The following RASA3 variants were observed in gnomAD, a reference collection of about 807,000 sequenced individuals.
The protein encoded by RASA3 is ras GTPase-activating protein 3.
RASA3 carries 73 observed loss-of-function variants against 110.0 expected under a neutral mutation model. The ratio of observed to expected loss-of-function variants is 0.66; its 90% CI spans 0.55 to 0.81. The LOEUF is 0.81. Ranked by LOEUF, RASA3 falls within the 30% of genes least tolerant of loss-of-function variation. RASA3 has a pLI of 0.00. For synonymous variants in RASA3, 500 were observed against 451.4 expected (o/e 1.11, Z -1.37); for missense variants, 976 against 1,113.2 (o/e 0.88, Z 1.75).
intron 19 of RASA3, 21 bp downstream of exon 19, chr13:114,000,805 G>C (rs761803364): frequency 6.4e-7 from 1 of 1,551,174 alleles, no homozygotes; most frequent in Non-Finnish European, 8.9e-7. Flanking sequence ...AAGAGCCAGG[G>C]AAAGCGACCT....
intron 3 of RASA3, among the ~76,000 whole-genome samples, chr13:114,050,770 G>A (rs573929241): frequency 1.3e-5 from 2 of 152,350 alleles, no homozygotes; most frequent in Admixed American, 6.5e-5. Flanking sequence ...TCTCAACGTC[G>A]TGCTGACACA....
chr13:114,018,361 T>G, intron 10 of RASA3, 109 bp from the exon 11 acceptor site: 1 of 1,342,220 alleles, frequency 7.5e-7, no homozygotes, highest in Non-Finnish European at 9.9e-7. Flanking sequence ...TACGGCTCTT[T>G]GCTGAGACAG....
intron 3 of RASA3, among the ~76,000 whole-genome samples, chr13:114,042,574 G>C (rs1274760920): frequency 6.6e-6 from 1 of 152,254 alleles, no homozygotes; most frequent in Admixed American, 6.5e-5. Flanking sequence ...CGCAGCCACA[G>C]GGTCTGAGCA....
chr13:114,131,401 C>T (rs372421427), intron 1 of RASA3, among the ~76,000 whole-genome samples: 5 of 152,272 alleles, frequency 3.3e-5, no homozygotes, highest in South Asian at 4.1e-4. Context: ...GAATATGGAA[C>T]AGTCACTCCA....
Position 114,112,321 on chromosome 13 carries a change from C to T in RASA3, c.55+20114G>A, listed in dbSNP as rs991269507. ...AGTCTTCTAGGGGGCCTGGGGCAGC[C>T]GGAACCTGGCCGGGTGGAGGATTTC... On this transcript the variant is annotated intron_variant, in intron 1 of 23. Coordinates refer to ENST00000334062, the MANE Select transcript of RASA3 (RefSeq NM_007368.4). The surrounding 1 kb of genome is among the most constrained non-coding windows in gnomAD (Gnocchi z 4.8). 2.6e-5 allele frequency among the ~76,000 whole-genome samples: 4 copies of T among 152,192 alleles called. No homozygotes were observed. Among genetic ancestry groups the T allele is most frequent in the East Asian group, 3.8e-4 (2 of 5,196 alleles).
At position 113,981,825 on chromosome 13, in the gene RASA3, G is replaced by A. The variant is rs972705185; in HGVS notation, c.2279C>T (p.Pro760Leu). 6 of 1,613,738 alleles carry A rather than the reference G, an allele frequency of 3.7e-6. No individual in the cohort carries two copies. The highest frequency in any genetic ancestry group is 3.4e-6 in the Non-Finnish European group (4 of 1,179,956). The change falls in exon 23 of 24, where the codon CCG becomes CTG. Residue 760 changes from proline (P) to leucine (L), a missense_variant. By Grantham distance (98) the Pro-to-Leu change is moderately conservative. This residue lies in a region of RASA3 where 132 missense variants were observed against 152.8 expected (regional missense o/e 0.86). Coordinates refer to ENST00000334062, the MANE Select transcript of RASA3 (RefSeq NM_007368.4). ...ACGSKSVYDG[P>L]EQEEYSTFVI... ...GAACGTCGAATACTCCTCCTGCTCCGGGCCGTCATACACAGATTTGCTCCC... is the reference window on the plus strand; with the variant it reads ...GAACGTCGAATACTCCTCCTGCTCCAGGCCGTCATACACAGATTTGCTCCC...
intron 4 of RASA3, among the ~76,000 whole-genome samples, chr13:114,030,411 G>C (rs796563036): frequency 3.3e-5 from 2 of 59,864 alleles, no homozygotes; most frequent in Non-Finnish European, 7.4e-5. Context: ...CTCACGCAGA[G>C]AGCAAGACTC....
intron 2 of RASA3, among the ~76,000 whole-genome samples, chr13:114,060,685 G>A (rs2079323836): frequency 6.6e-6 from 1 of 152,230 alleles, no homozygotes; most frequent in South Asian, 2.1e-4. Flanking sequence ...GCAGGACGCA[G>A]CTGGAGCCGC....
intron 1 of RASA3, 89 bp downstream of exon 1, chr13:114,132,346 C>G (rs961363983): frequency 3.8e-6 from 5 of 1,325,530 alleles, no homozygotes; most frequent in Non-Finnish European, 4.9e-6. Context: ...GCCGGGGTCC[C>G]CAGCAAGGAT....
chr13:114,064,990 C>T (rs951256953), intron 2 of RASA3, among the ~76,000 whole-genome samples: 2 of 152,266 alleles, frequency 1.3e-5, no homozygotes, highest in Non-Finnish European at 2.9e-5. Flanking sequence ...AGTCTCCTTT[C>T]CCTCAGTCAT....
At chr13:113,990,194 A>T (rs192287825) in intron 22 of RASA3, among the ~76,000 whole-genome samples, 2 of 152,240 alleles carry the variant, frequency 1.3e-5, no homozygotes, top group East Asian at 3.9e-4. Flanking sequence ...AGCCTGCAGA[A>T]CTGTGAGTCA....
rs1219998401 is a variant in RASA3 at position 114,098,201 on chromosome 13, A to C, written c.56-24364T>G. Among the ~76,000 whole-genome samples the C allele has an allele frequency of 4.6e-5, 7 of 152,292 alleles. No individual in the cohort carries two copies. The East Asian group carries it at 1.4e-3, about 29-fold the overall frequency. On this transcript the variant is annotated intron_variant, in intron 1 of 23. Transcript: ENST00000334062. The stretch of plus-strand genomic sequence containing the variant: ...GGCTACAGCGGGCAGCCTGTGGTCA[A>C]CAGCTCATCAGCGACGAGCCAGGCC...
intron 2 of RASA3, among the ~76,000 whole-genome samples, chr13:114,068,612 G>A (rs555705764): frequency 1.4e-4 from 22 of 152,272 alleles, no homozygotes; most frequent in African/African-American, 5.1e-4. Flanking sequence ...CGTGGGTGCC[G>A]GCCCAGGGGA....
At position 114,041,104 on chromosome 13, in the gene RASA3, A is replaced by C; in HGVS notation, c.278-10T>G. ...TGGATGGCCACCTTCCCTGCAACAC[A>C]AGCAGAGAAGACTTCACCACGGGCA... On this transcript the variant is annotated splice_polypyrimidine_tract_variant and intron_variant, in intron 3 of 23. Transcript: ENST00000334062. 6.2e-7 allele frequency: 1 copy of C among 1,611,682 alleles called. No homozygotes were observed. The highest frequency in any genetic ancestry group is 1.1e-5 in the South Asian group (1 of 91,036).
chr13:114,080,919 C>CATCCACCTA (rs1387140700), intron 1 of RASA3, among the ~76,000 whole-genome samples: 3 of 151,784 alleles, frequency 2.0e-5, no homozygotes, highest in African/African-American at 7.3e-5. Context: ...GGCAGAGGGC[C>CATCCACCTA]GTCCACCTAG....
In RASA3 at chr13:114,000,852, T is replaced by A. The variant is rs905027686; in HGVS notation, c.1823A>T (p.His608Leu). ...FKKRWFRLTN[H>L]EFTYHKSKGD... is the part of the protein sequence containing the mutation. The stretch of plus-strand genomic sequence containing the variant: ...TTTGCTTTTGTGGTAGGTAAATTCA[T>A]GGTTGGTCAAGCGAAACCATCTCTT... The change falls in exon 19 of 24, where the codon CAT becomes CTT. Residue 608 changes from histidine to leucine, a missense_variant. Physicochemically the swap from His to Leu is moderately conservative, Grantham distance 99. Transcript: ENST00000334062. 1.2e-6 allele frequency: 2 copies of A among 1,613,202 alleles called. No individual in the cohort carries two copies. Among genetic ancestry groups the A allele is most frequent in the Non-Finnish European group, 1.7e-6 (2 of 1,179,230 alleles).
intron 21 of RASA3, among the ~76,000 whole-genome samples, chr13:113,995,444 C>T (rs998278227): frequency 1.3e-5 from 2 of 152,266 alleles, no homozygotes; most frequent in African/African-American, 4.8e-5. Flanking sequence ...CACAGCTCAT[C>T]CCCTGCAGGG....
intron 1 of RASA3, among the ~76,000 whole-genome samples, chr13:114,127,573 T>C (rs976869813): frequency 7.9e-5 from 12 of 152,168 alleles, no homozygotes; most frequent in Non-Finnish European, 1.6e-4. Context: ...CCCTCCATGA[T>C]TCCCCCCATT....
intron 1 of RASA3, among the ~76,000 whole-genome samples, chr13:114,109,939 T>G (rs2080194317): frequency 6.6e-6 from 1 of 152,050 alleles, no homozygotes; most frequent in Admixed American, 6.5e-5. Context: ...CCGGTGAACG[T>G]CCCGTCTCCT....
Sources: allele counts gnomAD v4.1 joint callset (sites outside exome capture counted in the v4.1 genomes callset), GRCh38; gene constraint gnomAD v4.1.1; regional missense constraint gnomAD v4.1.1; non-coding constraint Gnocchi (gnomAD v3.1); transcripts MANE v1.5; gene names NCBI Gene and HGNC (gene_info 2026-07-23, HGNC 2026-07-21).